The following NUDCD3 variants were observed in gnomAD, a reference collection of about 807,000 sequenced individuals.
NUDCD3 encodes nudC domain-containing protein 3.
Under a neutral mutation model 39.7 loss-of-function variants are expected in NUDCD3, and 13 were observed. The ratio of observed to expected loss-of-function variants is 0.33; its 90% confidence interval spans 0.21 to 0.52. The LOEUF (loss-of-function observed/expected upper bound fraction) is 0.52. Among genes scored for constraint, NUDCD3 ranks in the 20% least tolerant of loss-of-function variants. The pLI, the probability that NUDCD3 is intolerant of heterozygous loss-of-function variation, is 0.96. For synonymous variants in NUDCD3, 175 were observed against 172.4 expected, an observed-to-expected ratio of 1.02 and a Z score of -0.12; for missense variants, 453 against 458.1, an observed-to-expected ratio of 0.99 and a Z score of 0.10.
chr7:44,450,636 T>C (rs1799777768), intron 2 of NUDCD3, among the ~76,000 whole-genome samples: 1 of 151,222 alleles, frequency 6.6e-6, no homozygotes, highest in South Asian at 2.1e-4. Context: ...AAAACAAAAA[T>C]GTTAATTAAA....
intron 3 of NUDCD3, among the ~76,000 whole-genome samples, chr7:44,426,752 C>T (rs531719489): frequency 3.3e-4 from 50 of 149,882 alleles, no homozygotes; most frequent in African/African-American, 1.2e-3. Flanking sequence ...GCTGAGATCC[C>T]GCCACTGCAC....
intron 3 of NUDCD3, among the ~76,000 whole-genome samples, chr7:44,408,814 G>A (rs1798874314): frequency 6.6e-6 from 1 of 152,114 alleles, no homozygotes; most frequent in Non-Finnish European, 1.5e-5. Flanking sequence ...CGCATTCCTG[G>A]TACAGCGTAG....
rs578062517 is a variant in NUDCD3 at position 44,484,936 on chromosome 7, A to G, written c.509+32T>C. The G allele has an allele frequency of 9.9e-6, 15 of 1,516,624 alleles. No individual in the cohort carries two copies. The African/African-American group carries it at 1.1e-4, about 11-fold the overall frequency. 93.9% of individuals were successfully genotyped at this position (1,516,624 alleles called of 1,614,324 possible). A position where few individuals can be genotyped will look rare whatever the true frequency, so the allele number is the denominator to read the frequency against. On this transcript the variant is annotated intron_variant, in intron 2 of 5. Transcript: ENST00000355451. ...ACCCAAACACCAGATGTTACGCAAG[A>G]AAGAAGGAAGCTGCAAAGTAGAAAT...
At position 44,385,692 on chromosome 7, in the gene NUDCD3, A is replaced by G. The variant is rs1798389597; in HGVS notation, c.*319T>C. 1 of 353,028 alleles carries G rather than the reference A, an allele frequency of 2.8e-6. No individual in the cohort carries two copies. Among genetic ancestry groups the G allele is most frequent in the Non-Finnish European group, 5.2e-6 (1 of 193,134 alleles). The allele number at this position is 353,028 out of a possible 1,614,324, so 21.9% of individuals were successfully genotyped here. Reference sequence around the variant, plus strand: ...CAGCAAGCAGAGAGCAGGGGAGGAAAGACATGCTGCCTGCAGTGGCTGGTT... The same window carrying G: ...CAGCAAGCAGAGAGCAGGGGAGGAAGGACATGCTGCCTGCAGTGGCTGGTT... On this transcript the variant is annotated 3_prime_UTR_variant, in exon 6 of 6. Coordinates refer to ENST00000355451, the MANE Select transcript of NUDCD3 (RefSeq NM_015332.4).
chr7:44,389,844 A>T (rs1798476134), intron 5 of NUDCD3, among the ~76,000 whole-genome samples: 1 of 151,834 alleles, frequency 6.6e-6, no homozygotes, highest in African/African-American at 2.4e-5. Context: ...GAAAGAAAGG[A>T]GGGAAGGGGA....
At chr7:44,427,317 C>T (rs1799255172) in intron 3 of NUDCD3, among the ~76,000 whole-genome samples, 1 of 152,188 alleles carries the variant, frequency 6.6e-6, no homozygotes, top group South Asian at 2.1e-4. Context: ...GTGGGCTTCT[C>T]TCTCAGGAAG....
intron 3 of NUDCD3, among the ~76,000 whole-genome samples, chr7:44,420,429 T>A (rs909378327): frequency 6.6e-6 from 1 of 152,150 alleles, no homozygotes; most frequent in Non-Finnish European, 1.5e-5. Context: ...ACACACTTCA[T>A]GATATTATCC....
chr7:44,424,765 T>C (rs1799201714), intron 3 of NUDCD3, among the ~76,000 whole-genome samples: 1 of 152,212 alleles, frequency 6.6e-6, no homozygotes, highest in Non-Finnish European at 1.5e-5. Context: ...AAATACCATT[T>C]GACCCAACAA....
intron 2 of NUDCD3, among the ~76,000 whole-genome samples, chr7:44,431,744 C>A (rs1457830818): frequency 4.7e-5 from 7 of 148,178 alleles, no homozygotes; most frequent in African/African-American, 1.8e-4. Flanking sequence ...ACGATCTCGG[C>A]TCACTGCAAC....
At position 44,382,814 on chromosome 7, in the gene NUDCD3, GC is replaced by G. The variant is rs1303354157; in HGVS notation, c.*3196del. The G allele has an allele frequency of 1.3e-4, 20 of 152,438 alleles. No individual in the cohort carries two copies. The highest frequency in any genetic ancestry group is 4.1e-4 in the African/African-American group (17 of 41,464). 9.4% of individuals were successfully genotyped at this position (152,438 alleles called of 1,614,324 possible). A position where few individuals can be genotyped will look rare whatever the true frequency, so the allele number is the denominator to read the frequency against. On this transcript the variant is annotated 3_prime_UTR_variant, in exon 6 of 6. Coordinates refer to ENST00000355451, the MANE Select transcript of NUDCD3 (RefSeq NM_015332.4). ...GGTGGGGGTGAGGTCTGTTCCCCAA[GC>G]GCAGTGTTCTGGGCAGTGAGTTCTC...
intron 3 of NUDCD3, chr7:44,426,125 A>G: frequency 2.0e-6 from 2 of 985,384 alleles, no homozygotes; most frequent in Non-Finnish European, 2.4e-6. Context: ...TCAGGACTGG[A>G]TGGGGCTTCA....
chr7:44,431,046 T>C (rs1327395806), intron 2 of NUDCD3, among the ~76,000 whole-genome samples: 4 of 152,218 alleles, frequency 2.6e-5, no homozygotes, highest in African/African-American at 7.2e-5. Flanking sequence ...TTGCAAGTTG[T>C]TGGGTGCTTT....
At chr7:44,471,616 G>T (rs756114356) in intron 2 of NUDCD3, among the ~76,000 whole-genome samples, 1 of 152,188 alleles carries the variant, frequency 6.6e-6, no homozygotes, top group Non-Finnish European at 1.5e-5. Flanking sequence ...ACACATAGGA[G>T]TGTGTAAACA....
intron 3 of NUDCD3, among the ~76,000 whole-genome samples, chr7:44,419,688 T>G (rs1799101226): frequency 6.6e-6 from 1 of 152,124 alleles, no homozygotes; most frequent in Non-Finnish European, 1.5e-5. Context: ...CAGCCTCCAC[T>G]GGTGATACCC....
chr7:44,485,787 G>A (rs1440791032), intron 1 of NUDCD3, among the ~76,000 whole-genome samples: 1 of 152,212 alleles, frequency 6.6e-6, no homozygotes, highest in Non-Finnish European at 1.5e-5. Context: ...CCTACAGTGT[G>A]CAAGAAACAC....
Position 44,386,675 on chromosome 7 carries a change from G to A in NUDCD3, c.976-554C>T, listed in dbSNP as rs574231571. On this transcript the variant is annotated intron_variant, in intron 5 of 5. Transcript: ENST00000355451. ...ATGTGGCACGGAGGAAGAAACCTCA[G>A]AATGTCCAGTGGTAGACCCGTCAGT... is the stretch of plus-strand genomic sequence containing the variant. Among the ~76,000 whole-genome samples the A allele has an allele frequency of 2.6e-5, 4 of 152,310 alleles. No homozygotes were observed. In the South Asian group the frequency reaches 8.3e-4, roughly 32 times the overall value.
chr7:44,455,216 T>C (rs186718686), intron 2 of NUDCD3, among the ~76,000 whole-genome samples: 114 of 152,108 alleles, frequency 7.5e-4, no homozygotes, highest in African/African-American at 2.6e-3. Context: ...TGCTGGTCAC[T>C]TGCACTTACA....
intron 3 of NUDCD3, among the ~76,000 whole-genome samples, chr7:44,413,960 T>C (rs1186952106): frequency 2.7e-5 from 4 of 150,904 alleles, no homozygotes; most frequent in African/African-American, 7.3e-5. Context: ...GAGACTGAGA[T>C]GGGAAGATTG....
chr7:44,425,139 C>T (rs1799209353), intron 3 of NUDCD3, among the ~76,000 whole-genome samples: 1 of 151,888 alleles, frequency 6.6e-6, no homozygotes, highest in Non-Finnish European at 1.5e-5. Context: ...CCAGGGCCTG[C>T]CAAGGGGTCG....
Sources: allele counts gnomAD v4.1 joint callset (sites outside exome capture counted in the v4.1 genomes callset), GRCh38; gene constraint gnomAD v4.1.1; transcripts MANE v1.5; gene names NCBI Gene and HGNC (gene_info 2026-07-23, HGNC 2026-07-21).